RIMKLA: variants seen among roughly 807,000 people sequenced by gnomAD.
The protein encoded by RIMKLA is N-acetylaspartylglutamate synthase A.
Under a neutral mutation model 32.7 loss-of-function variants are expected in RIMKLA, and 14 were observed. The ratio of observed to expected loss-of-function variants is 0.43; its 90% CI spans 0.28 to 0.67. The LOEUF is 0.67. RIMKLA is among the 30% of genes least tolerant of loss of function. The pLI is 0.18. For synonymous variants in RIMKLA, 176 were observed against 204.1 expected, an observed-to-expected ratio of 0.86 and a Z score of 1.18; for missense variants, 410 against 519.0, an observed-to-expected ratio of 0.79 and a Z score of 2.04.
intron 1 of RIMKLA, among the ~76,000 whole-genome samples, chr1:42,386,068 T>C (rs1016718609): frequency 2.6e-5 from 4 of 151,562 alleles, no homozygotes; most frequent in African/African-American, 9.7e-5. Flanking sequence ...ACTACAGGCA[T>C]GTGCCACCAT....
At chr1:42,385,755 C>CTT (rs1319928055) in intron 1 of RIMKLA, among the ~76,000 whole-genome samples, 4 of 97,328 alleles carry the variant, frequency 4.1e-5, no homozygotes, top group Admixed American at 1.9e-4. Context: ...TTCTTTCTTT[C>CTT]TTTCTTTCTT....
At chr1:42,401,468 G>C (rs1361189250) in intron 2 of RIMKLA, among the ~76,000 whole-genome samples, 1 of 151,564 alleles carries the variant, frequency 6.6e-6, no homozygotes, top group African/African-American at 2.4e-5. Flanking sequence ...AAGGAAGGAG[G>C]GAGGGAGGGC....
intron 3 of RIMKLA, among the ~76,000 whole-genome samples, chr1:42,406,881 TC>T (rs1400593175): frequency 6.6e-6 from 1 of 152,170 alleles, no homozygotes; most frequent in Non-Finnish European, 1.5e-5. Context: ...GGGTTTTTAA[TC>T]TTTTTATTGT....
chr1:42,414,379 A>G, intron 4 of RIMKLA, 105 bp from the exon 5 acceptor site: 1 of 1,190,402 alleles, frequency 8.4e-7, no homozygotes, highest in South Asian at 1.5e-5. Context: ...GTGATTAATG[A>G]TCGAGCCTCT....
chr1:42,388,659 C>G (rs1172833378), intron 1 of RIMKLA, among the ~76,000 whole-genome samples: 1 of 151,938 alleles, frequency 6.6e-6, no homozygotes, highest in African/African-American at 2.4e-5. Flanking sequence ...GCTGGGATTA[C>G]AGGCACATGC....
chr1:42,407,559 A>G lies in RIMKLA; in HGVS notation c.482-2425A>G, dbSNP rs538704897. The stretch of plus-strand genomic sequence containing the variant: ...TTGAATGTGGATATCCAGTTTTCCC[A>G]GTACCATTTGTTGAAGAGCCTGTTC... On this transcript the variant is annotated intron_variant, in intron 3 of 4. Coordinates refer to ENST00000431473, the MANE Select transcript of RIMKLA (RefSeq NM_173642.4). Among the ~76,000 whole-genome samples the G allele has an allele frequency of 3.3e-5, 5 of 152,308 alleles. No homozygotes were observed. The East Asian group carries it at 9.6e-4, about 29-fold the overall frequency.
Position 42,420,140 on chromosome 1 carries a change from C to T in RIMKLA, c.*5166C>T, listed in dbSNP as rs1168946538. ...CATCCAGAGAGGTCTGATAACTGGG[C>T]TCTGTTTCTGAACCTCTAGATTTCT... On this transcript the variant is annotated 3_prime_UTR_variant, in exon 5 of 5. Transcript: ENST00000431473. 1 of 152,208 alleles carries T rather than the reference C, an allele frequency of 6.6e-6. No homozygotes were observed. Among genetic ancestry groups the T allele is most frequent in the Non-Finnish European group, 1.5e-5 (1 of 68,048 alleles). The allele number at this position is 152,208 out of a possible 1,614,324, so 9.4% of individuals were successfully genotyped here. A position where few individuals can be genotyped will look rare whatever the true frequency, so the allele number is the denominator to read the frequency against.
intron 4 of RIMKLA, among the ~76,000 whole-genome samples, chr1:42,411,892 G>C (rs924361765): frequency 1.3e-5 from 2 of 151,926 alleles, no homozygotes; most frequent in African/African-American, 4.8e-5. Context: ...GGATGGTCTC[G>C]ATCTCCTGAC....
chr1:42,410,896 C>T (rs1008798874), intron 4 of RIMKLA, among the ~76,000 whole-genome samples: 1 of 152,154 alleles, frequency 6.6e-6, no homozygotes, highest in Admixed American at 6.5e-5. Context: ...AGTCCAGTGA[C>T]TAATAAAGAG....
At position 42,423,414 on chromosome 1, in the gene RIMKLA, C is replaced by A. The variant is rs192261951; in HGVS notation, c.*8440C>A. 1.3e-5 allele frequency among the ~76,000 whole-genome samples: 2 copies of A among 152,310 alleles called. No individual in the cohort carries two copies. The highest frequency in any genetic ancestry group is 1.3e-4 in the Admixed American group (2 of 15,300). ...CATATAAAAAGATTAGCAGTAATCC[C>A]TTGATACCATCTAATTCCCAGTCCG... On this transcript the variant is annotated 3_prime_UTR_variant, in exon 5 of 5. Coordinates refer to ENST00000431473, the MANE Select transcript of RIMKLA (RefSeq NM_173642.4).
intron 1 of RIMKLA, among the ~76,000 whole-genome samples, chr1:42,397,148 A>G (rs1288973413): frequency 4.6e-5 from 7 of 152,184 alleles, no homozygotes; most frequent in Admixed American, 3.9e-4. Context: ...GTTTATTGTA[A>G]TGATTGTTCC....
Position 42,416,085 on chromosome 1 carries a change from TGCG to T in RIMKLA, c.*1113_*1115del, listed in dbSNP as rs202234188. ...ATCAGGAATTACCCATTGCACATTTTGCGGGGGGGGGGGCTAATGTAGACATGA... is the reference window on the plus strand; with the variant it reads ...ATCAGGAATTACCCATTGCACATTTTGGGGGGGGGGCTAATGTAGACATGA... On this transcript the variant is annotated 3_prime_UTR_variant, in exon 5 of 5. Transcript: ENST00000431473. 9.1e-5 allele frequency: 5 copies of T among 55,050 alleles called. No homozygotes were observed. The highest frequency in any genetic ancestry group is 1.8e-4 in the Non-Finnish European group (4 of 22,308). 3.4% of individuals were successfully genotyped at this position (55,050 alleles called of 1,614,324 possible).
In RIMKLA at chr1:42,419,943, C is replaced by A. The variant is rs1175394493; in HGVS notation, c.*4969C>A. 6.6e-6 allele frequency: 1 copy of A among 152,220 alleles called. No homozygotes were observed. The highest frequency in any genetic ancestry group is 2.4e-5 in the African/African-American group (1 of 41,452). 9.4% of individuals were successfully genotyped at this position (152,220 alleles called of 1,614,324 possible). On this transcript the variant is annotated 3_prime_UTR_variant, in exon 5 of 5. Transcript: ENST00000431473. ...GCTCCTAAACCTATTGCATTAGGCA[C>A]ACCCAAGAAGAAATCCTGTTCGATG...
At position 42,420,100 on chromosome 1, in the gene RIMKLA, C is replaced by G. The variant is rs931595411; in HGVS notation, c.*5126C>G. 11 of 152,328 alleles carry G rather than the reference C, an allele frequency of 7.2e-5. No homozygotes were observed. Among genetic ancestry groups the G allele is most frequent in the African/African-American group, 2.4e-4 (10 of 41,572 alleles). 9.4% of individuals were successfully genotyped at this position (152,328 alleles called of 1,614,324 possible). A position where few individuals can be genotyped will look rare whatever the true frequency, so the allele number is the denominator to read the frequency against. On this transcript the variant is annotated 3_prime_UTR_variant, in exon 5 of 5. Coordinates refer to ENST00000431473, the MANE Select transcript of RIMKLA (RefSeq NM_173642.4). Reference sequence around the variant, plus strand: ...TTGTAACCCAAATGTCAGCTGAGGGCTCCTTGCCTCTTGACATCCAGAGAG... The same window carrying G: ...TTGTAACCCAAATGTCAGCTGAGGGGTCCTTGCCTCTTGACATCCAGAGAG...
chr1:42,388,517 G>GTTT (rs35842187), intron 1 of RIMKLA, among the ~76,000 whole-genome samples: 10 of 131,708 alleles, frequency 7.6e-5, no homozygotes, highest in Non-Finnish European at 9.5e-5. Context: ...CTGAAAGCTT[G>GTTT]TTTTTTTTTT....
At chr1:42,405,786 G>T (rs1358957029) in intron 3 of RIMKLA, among the ~76,000 whole-genome samples, 1 of 152,246 alleles carries the variant, frequency 6.6e-6, no homozygotes, top group Non-Finnish European at 1.5e-5. Flanking sequence ...GCCTACAGGA[G>T]GGAGGGGACA....
chr1:42,394,511 C>G (rs1643025995), intron 1 of RIMKLA, among the ~76,000 whole-genome samples: 1 of 152,132 alleles, frequency 6.6e-6, no homozygotes, highest in Non-Finnish European at 1.5e-5. Context: ...AGCAAATAAC[C>G]TAAAACGCAA....
In RIMKLA at chr1:42,415,690, A is replaced by T. The variant is rs1193139085; in HGVS notation, c.*716A>T. 1 of 152,188 alleles carries T rather than the reference A, an allele frequency of 6.6e-6. No individual in the cohort carries two copies. Among genetic ancestry groups the T allele is most frequent in the Admixed American group, 6.5e-5 (1 of 15,274 alleles). The allele number at this position is 152,188 out of a possible 1,614,324, so 9.4% of individuals were successfully genotyped here. A position where few individuals can be genotyped will look rare whatever the true frequency, so the allele number is the denominator to read the frequency against. On this transcript the variant is annotated 3_prime_UTR_variant, in exon 5 of 5. Coordinates refer to ENST00000431473, the MANE Select transcript of RIMKLA (RefSeq NM_173642.4). ...AACGTCAGCTCTAGCAGCTTCTTGCACCTTTGCTGCCTTTGGCCTCAGCTG... is the reference window on the plus strand; with the variant it reads ...AACGTCAGCTCTAGCAGCTTCTTGCTCCTTTGCTGCCTTTGGCCTCAGCTG...
intron 1 of RIMKLA, among the ~76,000 whole-genome samples, chr1:42,384,819 G>T (rs966050699): frequency 1.8e-4 from 27 of 151,882 alleles, no homozygotes; most frequent in Admixed American, 7.2e-4. Context: ...CCTTGCATCA[G>T]TCTACACTGA....
Sources: allele counts gnomAD v4.1 joint callset (sites outside exome capture counted in the v4.1 genomes callset), GRCh38; gene constraint gnomAD v4.1.1; transcripts MANE v1.5; gene names NCBI Gene and HGNC (gene_info 2026-07-23, HGNC 2026-07-21).